GSE1: variants seen among roughly 807,000 people sequenced by gnomAD.
GSE1 encodes genetic suppressor element 1.
Under a neutral mutation model 112.6 loss-of-function variants are expected in GSE1, and 32 were observed. That is an observed-to-expected ratio of 0.28 (90% CI 0.21 to 0.38). GSE1 has a LOEUF of 0.38. Among genes scored for constraint, GSE1 ranks in the 10% least tolerant of loss-of-function variants. GSE1 has a pLI of 1.00. For missense variants in GSE1, 2,348 were observed against 1,699.2 expected, an observed-to-expected ratio of 1.38 and a Z score of -6.71; for synonymous variants, 1,115 against 735.6, an observed-to-expected ratio of 1.52 and a Z score of -8.35.
At chr16:85,595,270 T>C (rs1020337652) in intron 1 of GSE1, 1 of 152,270 alleles carries the variant, frequency 6.6e-6, no homozygotes, top group Non-Finnish European at 1.5e-5. Context: ...CCAAGGGTCT[T>C]TATTACCTGG....
intron 1 of GSE1, among the ~76,000 whole-genome samples, chr16:85,181,367 G>A (rs2074580109): frequency 1.3e-5 from 2 of 152,206 alleles, no homozygotes; most frequent in African/African-American, 2.4e-5. Flanking sequence ...AGCCGTCATT[G>A]GCAGGGCTGG....
intron 2 of GSE1, among the ~76,000 whole-genome samples, chr16:85,516,448 C>G (rs1450165984): frequency 7.5e-6 from 1 of 134,104 alleles, no homozygotes; most frequent in African/African-American, 3.1e-5. Context: ...AGAGAGACCC[C>G]CATCTCTACA....
At chr16:85,375,739 T>TTGAGC (rs10651438) in intron 2 of GSE1, among the ~76,000 whole-genome samples, 4 of 151,514 alleles carry the variant, frequency 2.6e-5, no homozygotes, top group Admixed American at 2.6e-4. Flanking sequence ...CACACAGGCC[T>TTGAGC]GCCTGTCTCT....
chr16:85,444,347 A>G (rs1386153692), intron 2 of GSE1, among the ~76,000 whole-genome samples: 1 of 152,214 alleles, frequency 6.6e-6, no homozygotes, highest in Non-Finnish European at 1.5e-5. Flanking sequence ...CAGTGTCTCA[A>G]GAGGCTCTGA....
intron 2 of GSE1, among the ~76,000 whole-genome samples, chr16:85,642,217 G>A (rs2050503927): frequency 6.6e-6 from 1 of 152,258 alleles, no homozygotes; most frequent in Non-Finnish European, 1.5e-5. Context: ...AGGCTGAGGT[G>A]GGAGGATCAC....
exon 1 of GSE1, chr16:85,170,465 G>A (rs2074341467): frequency 2.0e-6 from 2 of 985,608 alleles, no homozygotes; most frequent in Non-Finnish European, 2.4e-6. Context: ...GAGACCCTAC[G>A]GGGCTTCTGC....
At chr16:85,665,634 G>A (rs2052785989) in intron 12 of GSE1, among the ~76,000 whole-genome samples, 1 of 152,208 alleles carries the variant, frequency 6.6e-6, no homozygotes, top group South Asian at 2.1e-4. Flanking sequence ...GATGTCAGAG[G>A]GAATCTTTAC....
chr16:85,398,432 C>T (rs900705460), intron 2 of GSE1, among the ~76,000 whole-genome samples: 3 of 151,982 alleles, frequency 2.0e-5, no homozygotes, highest in African/African-American at 7.3e-5. Flanking sequence ...GGTCCAGTAC[C>T]GCCTGTCTGC....
At chr16:85,602,045 TAGA>T (rs1280460382) in intron 1 of GSE1, among the ~76,000 whole-genome samples, 1 of 152,080 alleles carries the variant, frequency 6.6e-6, no homozygotes, top group Non-Finnish European at 1.5e-5. Context: ...AGTGCAGTTC[TAGA>T]AGAAGCTCCT....
intron 2 of GSE1, among the ~76,000 whole-genome samples, chr16:85,370,431 G>A (rs1482498621): frequency 6.6e-6 from 1 of 152,192 alleles, no homozygotes; most frequent in Non-Finnish European, 1.5e-5. Context: ...GCTCTCACAA[G>A]ACGCAGAGAA....
intron 1 of GSE1, among the ~76,000 whole-genome samples, chr16:85,215,001 G>A (rs764920285): frequency 3.9e-5 from 6 of 152,214 alleles, no homozygotes; most frequent in Non-Finnish European, 8.8e-5. Context: ...AATGCCAGGC[G>A]CAAGGCCCAG....
At chr16:85,304,613 G>GGGGC (rs1597345354) in intron 1 of GSE1, among the ~76,000 whole-genome samples, 3 of 131,856 alleles carry the variant, frequency 2.3e-5, no homozygotes, top group South Asian at 3.1e-4. Flanking sequence ...GGGGGGTGGG[G>GGGGC]CATCCCTTTT....
intron 1 of GSE1, among the ~76,000 whole-genome samples, chr16:85,245,965 TG>T (rs1567635560): frequency 2.0e-5 from 3 of 147,732 alleles, no homozygotes. Flanking sequence ...GGCGTGTGTG[TG>T]TGGGGGGCTG....
At chr16:85,432,660 TC>T (rs2049149381) in intron 2 of GSE1, among the ~76,000 whole-genome samples, 1 of 152,204 alleles carries the variant, frequency 6.6e-6, no homozygotes, top group African/African-American at 2.4e-5. Flanking sequence ...TTCCCCCATT[TC>T]TAATGAAAAA....
intron 1 of GSE1, among the ~76,000 whole-genome samples, chr16:85,600,562 A>AACACAC (rs144938363): frequency 0.024 from 3,617 of 148,612 alleles, 137 homozygotes; most frequent in African/African-American, 0.085. Flanking sequence ...CTTGTTAAAA[A>AACACAC]ACACACACAC....
chr16:85,488,287 A>C (rs2050905207), intron 2 of GSE1, among the ~76,000 whole-genome samples: 1 of 151,938 alleles, frequency 6.6e-6, no homozygotes, highest in South Asian at 2.1e-4. Context: ...CACTTAATTC[A>C]GCTTGTCTGC....
chr16:85,636,888 A>G (rs889610847), intron 2 of GSE1, among the ~76,000 whole-genome samples: 8 of 152,168 alleles, frequency 5.3e-5, no homozygotes, highest in South Asian at 2.1e-4. Context: ...CCTGGATGAC[A>G]GTGGGGACAT....
chr16:85,376,769 G>A (rs1169092863), intron 2 of GSE1, among the ~76,000 whole-genome samples: 4 of 152,210 alleles, frequency 2.6e-5, no homozygotes, highest in East Asian at 1.9e-4. Flanking sequence ...GCTGGGCAGA[G>A]AGCAGGGGGC....
intron 2 of GSE1, among the ~76,000 whole-genome samples, chr16:85,433,591 G>C (rs1215677371): frequency 1.5e-5 from 1 of 65,164 alleles, no homozygotes; most frequent in East Asian, 4.8e-4. Flanking sequence ...AAGGATCCTG[G>C]ATGGATGGAT....
Sources: gnomAD v4.1 joint callset for allele counts (sites outside exome capture counted in the v4.1 genomes callset) on GRCh38, gnomAD v4.1.1 for gene constraint, MANE v1.5 for transcripts, NCBI Gene and HGNC (gene_info 2026-07-23, HGNC 2026-07-21) for gene names.